LEKR1: variants seen among roughly 807,000 people sequenced by gnomAD.
LEKR1 encodes the protein leucine, glutamate and lysine rich 1, also known as protein LEKR1.
A neutral mutation model predicts 72.4 loss-of-function variants in LEKR1; 59 were observed. That is an observed-to-expected ratio of 0.82 (90% CI 0.66 to 1.01). The LOEUF (loss-of-function observed/expected upper bound fraction) is 1.01. Among genes scored for constraint, LEKR1 ranks in the 50% least tolerant of loss-of-function variants. The pLI, the probability that LEKR1 is intolerant of heterozygous loss-of-function variation, is 0.00. For missense variants in LEKR1, 728 were observed against 759.2 expected (o/e 0.96, Z 0.48); for synonymous variants, 257 against 263.2 (o/e 0.98, Z 0.23).
At chr3:156,961,750 A>G (rs1728150545) in intron 6 of LEKR1, among the ~76,000 whole-genome samples, 1 of 152,136 alleles carries the variant, frequency 6.6e-6, no homozygotes, top group African/African-American at 2.4e-5. Flanking sequence ...CCCTTTGAAT[A>G]AGTTATTAAT....
chr3:156,899,637 CAT>C (rs1302861758), intron 3 of LEKR1, among the ~76,000 whole-genome samples: 7 of 119,368 alleles, frequency 5.9e-5, no homozygotes, highest in Non-Finnish European at 1.1e-4. Flanking sequence ...TATATACACG[CAT>C]ATATACACAT....
intron 2 of LEKR1, among the ~76,000 whole-genome samples, chr3:156,846,525 G>A (rs561885763): frequency 6.6e-6 from 1 of 152,052 alleles, no homozygotes; most frequent in South Asian, 2.1e-4. Flanking sequence ...TAATGATGAG[G>A]AAGGGTCCTA....
intron 12 of LEKR1, among the ~76,000 whole-genome samples, chr3:157,036,980 T>C (rs764260402): frequency 4.6e-5 from 7 of 152,134 alleles, no homozygotes; most frequent in Non-Finnish European, 1.0e-4. Context: ...TCTTAGTACA[T>C]AACATGGCCC....
intron 12 of LEKR1, among the ~76,000 whole-genome samples, chr3:157,037,430 G>T (rs1168055833): frequency 6.6e-6 from 1 of 152,150 alleles, no homozygotes; most frequent in East Asian, 1.9e-4. Flanking sequence ...GTCAAGCAAG[G>T]AATATTGAAG....
At chr3:156,882,652 G>A (rs1207571680) in intron 3 of LEKR1, among the ~76,000 whole-genome samples, 2 of 152,228 alleles carry the variant, frequency 1.3e-5, no homozygotes, top group African/African-American at 4.8e-5. Context: ...CCATTACTGG[G>A]TATATACCCA....
intron 6 of LEKR1, among the ~76,000 whole-genome samples, chr3:156,958,816 C>T (rs1316152813): frequency 6.6e-6 from 1 of 152,082 alleles, no homozygotes; most frequent in Non-Finnish European, 1.5e-5. Flanking sequence ...TATACAGGTA[C>T]TTTTAACTTT....
intron 12 of LEKR1, among the ~76,000 whole-genome samples, chr3:157,037,152 T>C (rs1055993800): frequency 1.5e-4 from 23 of 152,158 alleles, no homozygotes; most frequent in Admixed American, 1.4e-3. Flanking sequence ...AATAGATATG[T>C]TCCAAACTGA....
chr3:156,980,359 AGTTT>A (rs1046775763), intron 7 of LEKR1, among the ~76,000 whole-genome samples: 1 of 152,204 alleles, frequency 6.6e-6, no homozygotes, highest in Non-Finnish European at 1.5e-5. Flanking sequence ...GTAACAAAAT[AGTTT>A]GTTTCTGAAA....
chr3:156,912,912 C>T (rs1723257108), intron 3 of LEKR1, among the ~76,000 whole-genome samples: 1 of 152,150 alleles, frequency 6.6e-6, no homozygotes, highest in Admixed American at 6.5e-5. Context: ...AGGCAGACTC[C>T]CCTACCTCAC....
chr3:156,989,053 G>C (rs1730943075), intron 7 of LEKR1, among the ~76,000 whole-genome samples: 1 of 152,066 alleles, frequency 6.6e-6, no homozygotes, highest in Non-Finnish European at 1.5e-5. Context: ...TGTTTGTCTT[G>C]AACTCTGACT....
At chr3:156,969,879 T>C (rs563753049) in intron 6 of LEKR1, among the ~76,000 whole-genome samples, 1 of 152,274 alleles carries the variant, frequency 6.6e-6, no homozygotes, top group Admixed American at 6.5e-5. Context: ...CTCAGTAAAA[T>C]ACTGGCAAAC....
chr3:157,039,050 C>A (rs889739976), intron 12 of LEKR1, among the ~76,000 whole-genome samples: 1 of 152,114 alleles, frequency 6.6e-6, no homozygotes, highest in Non-Finnish European at 1.5e-5. Flanking sequence ...GCCCAACAAT[C>A]TCCTAGCATC....
At chr3:156,895,014 C>G (rs1721030847) in intron 3 of LEKR1, among the ~76,000 whole-genome samples, 2 of 152,060 alleles carry the variant, frequency 1.3e-5, no homozygotes, top group African/African-American at 2.4e-5. Context: ...AAAGCAATTG[C>G]AACAAAATAA....
chr3:156,940,794 T>G (rs1235977843), intron 5 of LEKR1, among the ~76,000 whole-genome samples: 1 of 152,150 alleles, frequency 6.6e-6, no homozygotes, highest in East Asian at 1.9e-4. Context: ...TTGACATGAG[T>G]AGTTATTTTA....
chr3:156,896,574 A>G (rs542726457), intron 3 of LEKR1, among the ~76,000 whole-genome samples: 9 of 152,310 alleles, frequency 5.9e-5, no homozygotes, highest in Non-Finnish European at 1.3e-4. Flanking sequence ...TGAGGTTGCA[A>G]AGGAAAGGGA....
At chr3:156,945,993 A>T (rs186051309) in intron 6 of LEKR1, among the ~76,000 whole-genome samples, 5 of 151,824 alleles carry the variant, frequency 3.3e-5, no homozygotes, top group Admixed American at 2.6e-4. Context: ...GAAGAATGAC[A>T]TTGGTATTTT....
chr3:157,032,895 C>T (rs1734718466), intron 12 of LEKR1, among the ~76,000 whole-genome samples: 1 of 152,006 alleles, frequency 6.6e-6, no homozygotes, highest in Non-Finnish European at 1.5e-5. Context: ...ACTGCATGTG[C>T]TCACTTTATG....
intron 3 of LEKR1, among the ~76,000 whole-genome samples, chr3:156,907,625 G>T (rs1365013622): frequency 6.6e-6 from 1 of 151,904 alleles, no homozygotes; most frequent in Non-Finnish European, 1.5e-5. Flanking sequence ...ATTACTCATT[G>T]TACGTGCCCA....
intron 3 of LEKR1, among the ~76,000 whole-genome samples, chr3:156,867,484 C>CATGT (rs1717448449): frequency 6.6e-6 from 1 of 151,976 alleles, no homozygotes; most frequent in Non-Finnish European, 1.5e-5. Flanking sequence ...AGGCCATTCC[C>CATGT]TTTTCAGTAT....
Sources: allele counts gnomAD v4.1 joint callset (sites outside exome capture counted in the v4.1 genomes callset), GRCh38; gene constraint gnomAD v4.1.1; transcripts MANE v1.5; gene names NCBI Gene and HGNC (gene_info 2026-07-23, HGNC 2026-07-21).